The following FAF1 variants were observed in gnomAD, a reference collection of about 807,000 sequenced individuals.
FAF1 encodes Fas associated factor 1.
Under a neutral mutation model 92.5 loss-of-function variants are expected in FAF1, and 25 were observed. The observed-to-expected ratio is 0.27, with a 90% CI of 0.20 to 0.38. FAF1 has a LOEUF of 0.38. FAF1 is among the 10% of genes least tolerant of loss of function. The probability of loss-of-function intolerance (pLI) is 1.00; values close to 1 mark genes in which losing one functional copy is unlikely to be tolerated. For missense variants in FAF1, 636 were observed against 793.3 expected (o/e 0.80, Z 2.38); for synonymous variants, 234 against 273.2 (o/e 0.86, Z 1.42).
intron 2 of FAF1, among the ~76,000 whole-genome samples, chr1:50,830,519 C>T (rs1644143301): frequency 6.6e-6 from 1 of 152,238 alleles, no homozygotes; most frequent in Non-Finnish European, 1.5e-5. Context: ...TCAATACAGA[C>T]TGACCATCTC....
At chr1:50,851,787 G>C (rs974260373) in intron 2 of FAF1, among the ~76,000 whole-genome samples, 1 of 152,038 alleles carries the variant, frequency 6.6e-6, no homozygotes, top group African/African-American at 2.4e-5. Context: ...ATAAGCAGAA[G>C]GTAAAATTGC....
intron 6 of FAF1, among the ~76,000 whole-genome samples, chr1:50,718,751 A>T (rs955759489): frequency 6.6e-6 from 1 of 152,202 alleles, no homozygotes; most frequent in Non-Finnish European, 1.5e-5. Flanking sequence ...TTTACCATTT[A>T]TATCTTTCCA....
chr1:50,475,784 G>T, intron 17 of FAF1, 105 bp from the exon 18 acceptor site: 1 of 672,394 alleles, frequency 1.5e-6, no homozygotes. Flanking sequence ...GAAATTCATT[G>T]AAAAGTCACT....
chr1:50,620,894 G>GGACTGGA (rs1269283217), intron 8 of FAF1, among the ~76,000 whole-genome samples: 1 of 152,242 alleles, frequency 6.6e-6, no homozygotes, highest in Non-Finnish European at 1.5e-5. Context: ...TCTGAGCCTT[G>GGACTGGA]GGGGTGCCCC....
At chr1:50,818,140 T>C (rs1018158979) in intron 2 of FAF1, among the ~76,000 whole-genome samples, 11 of 152,206 alleles carry the variant, frequency 7.2e-5, no homozygotes, top group African/African-American at 2.4e-4. Context: ...AATGAGTTTA[T>C]ACATAAATTA....
At chr1:50,710,878 A>T (rs1458995900) in intron 6 of FAF1, among the ~76,000 whole-genome samples, 2 of 147,018 alleles carry the variant, frequency 1.4e-5, no homozygotes, top group Admixed American at 6.9e-5. Flanking sequence ...CTGGGATTAT[A>T]GGCATGAGCC....
chr1:50,584,154 A>G (rs1651116185), intron 10 of FAF1, among the ~76,000 whole-genome samples: 1 of 152,132 alleles, frequency 6.6e-6, no homozygotes, highest in African/African-American at 2.4e-5. Flanking sequence ...GGAGTTCTCT[A>G]ATTTCACAAA....
intron 6 of FAF1, among the ~76,000 whole-genome samples, chr1:50,728,974 G>C (rs1325664569): frequency 6.8e-6 from 1 of 147,122 alleles, no homozygotes; most frequent in South Asian, 2.1e-4. Flanking sequence ...TCATTAAATA[G>C]TAAGGCTGAG....
chr1:50,736,841 T>C (rs979803776), intron 6 of FAF1, among the ~76,000 whole-genome samples: 5 of 152,200 alleles, frequency 3.3e-5, no homozygotes, highest in African/African-American at 1.2e-4. Flanking sequence ...AAATAATTAT[T>C]ACCATCAACT....
At chr1:50,879,102 C>A (rs1207649309) in intron 1 of FAF1, among the ~76,000 whole-genome samples, 1 of 152,044 alleles carries the variant, frequency 6.6e-6, no homozygotes, top group Non-Finnish European at 1.5e-5. Flanking sequence ...AAAACTTAGC[C>A]GGGTGTATGG....
chr1:50,802,841 C>G (rs911909080), intron 2 of FAF1, among the ~76,000 whole-genome samples: 1 of 152,214 alleles, frequency 6.6e-6, no homozygotes, highest in Admixed American at 6.5e-5. Flanking sequence ...GTTTTATCAG[C>G]TGCCTGGAAA....
At chr1:50,641,417 TC>T (rs1378586670) in intron 8 of FAF1, among the ~76,000 whole-genome samples, 5 of 152,232 alleles carry the variant, frequency 3.3e-5, no homozygotes, top group Non-Finnish European at 4.4e-5. Context: ...ATGTTACCAA[TC>T]TTTTCTGATT....
chr1:50,777,427 G>T (rs551869929), intron 4 of FAF1, among the ~76,000 whole-genome samples: 46 of 151,976 alleles, frequency 3.0e-4, no homozygotes, highest in African/African-American at 1.1e-3. Flanking sequence ...TGTCACTTAA[G>T]AGAAAAAAAT....
At chr1:50,563,721 G>T (rs1650038546) in intron 13 of FAF1, among the ~76,000 whole-genome samples, 1 of 152,138 alleles carries the variant, frequency 6.6e-6, no homozygotes, top group African/African-American at 2.4e-5. Context: ...AAGCTCTTCA[G>T]GAGATCACAA....
intron 15 of FAF1, among the ~76,000 whole-genome samples, chr1:50,524,254 A>C (rs1473014254): frequency 6.6e-6 from 1 of 151,656 alleles, no homozygotes; most frequent in Non-Finnish European, 1.5e-5. Flanking sequence ...GTTATTTGTA[A>C]ATTTAAGTTC....
intron 1 of FAF1, among the ~76,000 whole-genome samples, chr1:50,899,787 G>A (rs979801929): frequency 1.3e-5 from 2 of 152,142 alleles, no homozygotes; most frequent in African/African-American, 4.8e-5. Context: ...TGAGATGCTT[G>A]AAAATAATTG....
intron 3 of FAF1, among the ~76,000 whole-genome samples, chr1:50,800,927 G>A (rs941167764): frequency 3.2e-4 from 49 of 152,296 alleles, no homozygotes; most frequent in African/African-American, 1.1e-3. Context: ...ACTTGGAAGG[G>A]AGAATGGTTT....
intron 2 of FAF1, among the ~76,000 whole-genome samples, chr1:50,847,831 C>T (rs939472881): frequency 6.6e-6 from 1 of 151,930 alleles, no homozygotes; most frequent in East Asian, 1.9e-4. Flanking sequence ...GATCCAAGAG[C>T]ACCAACAGCA....
At chr1:50,865,057 C>T (rs1644468768) in intron 1 of FAF1, among the ~76,000 whole-genome samples, 1 of 152,186 alleles carries the variant, frequency 6.6e-6, no homozygotes. Context: ...CAAAAGAAGA[C>T]ATTTATGCAG....
Sources: gnomAD v4.1 joint callset for allele counts (sites outside exome capture counted in the v4.1 genomes callset) on GRCh38, gnomAD v4.1.1 for gene constraint, MANE v1.5 for transcripts, NCBI Gene and HGNC (gene_info 2026-07-23, HGNC 2026-07-21) for gene names.